The following HACL2 variants were observed in gnomAD, a reference collection of about 807,000 sequenced individuals.
HACL2 encodes the protein 2-hydroxyacyl-CoA lyase 1 like.
chr19:15,124,823 G>A, the HACL2 span: 12 of 1,453,506 alleles, frequency 8.3e-6, no homozygotes, highest in Non-Finnish European at 1.1e-5. Context: ...ACTAGTCGGG[G>A]CTCGCTTTCC....
the HACL2 span, chr19:15,115,522 T>C: frequency 6.2e-7 from 1 of 1,600,542 alleles, no homozygotes; most frequent in South Asian, 1.1e-5. Flanking sequence ...CAGCTGGGAC[T>C]GAAACAGCCT....
the HACL2 span, chr19:15,122,739 C>A: frequency 1.9e-6 from 3 of 1,614,174 alleles, no homozygotes; most frequent in Non-Finnish European, 2.5e-6. The surrounding 1 kb of genome is among the most constrained non-coding windows in gnomAD (Gnocchi z 4.0). Flanking sequence ...TTGGCTGGCA[C>A]CATCTCCTTC....
At chr19:15,123,194 C>G in the HACL2 span, 1 of 1,614,012 alleles carries the variant, frequency 6.2e-7, no homozygotes, top group Non-Finnish European at 8.5e-7. The surrounding 1 kb of genome is among the most constrained non-coding windows in gnomAD (Gnocchi z 5.1). Flanking sequence ...CCGCAGTCAC[C>G]GTGTTGGTGA....
chr19:15,122,577 C>T, the HACL2 span: 2 of 834,296 alleles, frequency 2.4e-6, no homozygotes, highest in East Asian at 2.6e-5. The surrounding 1 kb of genome is among the most constrained non-coding windows in gnomAD (Gnocchi z 4.0). Context: ...GGAATGCTCT[C>T]CCCCCAGCTG....
At chr19:15,119,209 G>T in the HACL2 span, 2 of 1,604,480 alleles carry the variant, frequency 1.2e-6, no homozygotes, top group Non-Finnish European at 1.7e-6. Context: ...CCGCACTGCG[G>T]TTCTCCCGGA....
At chr19:15,115,727 C>T in the HACL2 span, 3 of 1,584,266 alleles carry the variant, frequency 1.9e-6, no homozygotes, top group East Asian at 4.5e-5. Flanking sequence ...CTTGGCCAGC[C>T]AGAGGACAGA....
chr19:15,122,046 C>T, the HACL2 span, among the ~76,000 whole-genome samples: 1,307 of 144,752 alleles, frequency 9.0e-3, 7 homozygotes, highest in Non-Finnish European at 0.012. The surrounding 1 kb of genome is among the most constrained non-coding windows in gnomAD (Gnocchi z 4.0). Flanking sequence ...TACAGGCGCC[C>T]GCCACCACGC....
chr19:15,116,619 C>A, the HACL2 span: 4 of 949,210 alleles, frequency 4.2e-6, no homozygotes, highest in Non-Finnish European at 4.9e-6. Context: ...CAGCAGCATC[C>A]GAGCAGGCAG....
At chr19:15,119,028 G>A in the HACL2 span, 1 of 957,778 alleles carries the variant, frequency 1.0e-6, no homozygotes, top group Non-Finnish European at 1.5e-6. Flanking sequence ...GTCTGGTTGG[G>A]TTCAAAGCGC....
the HACL2 span, chr19:15,116,158 C>T: frequency 5.6e-6 from 9 of 1,613,396 alleles, no homozygotes; most frequent in East Asian, 2.2e-5. Context: ...TTACCAGGAT[C>T]GAGCCAGCGC....
chr19:15,115,152 C>T, the HACL2 span: 1 of 1,382,364 alleles, frequency 7.2e-7, no homozygotes. Flanking sequence ...AGTCACTGGG[C>T]CTCATGGGAT....
chr19:15,121,748 G>A, the HACL2 span, among the ~76,000 whole-genome samples: 1 of 149,988 alleles, frequency 6.7e-6, no homozygotes, highest in Non-Finnish European at 1.5e-5. Context: ...GGAGGCGGAG[G>A]TTGCAGTGAG....
At chr19:15,116,873 G>T in the HACL2 span, 1 of 284,112 alleles carries the variant, frequency 3.5e-6, no homozygotes, top group Non-Finnish European at 6.7e-6. Flanking sequence ...ATCCAGGCAC[G>T]TGGAAGCGCA....
the HACL2 span, chr19:15,115,622 G>A: frequency 6.2e-7 from 1 of 1,613,982 alleles, no homozygotes; most frequent in Non-Finnish European, 8.5e-7. Context: ...CTGCTCCCGA[G>A]AAATCTGTGT....
At chr19:15,115,790 C>A in the HACL2 span, 6 of 1,585,656 alleles carry the variant, frequency 3.8e-6, no homozygotes, top group Non-Finnish European at 5.2e-6. Flanking sequence ...CCTCAGCCCA[C>A]CCCTGGTGAC....
At chr19:15,122,976 T>TA in the HACL2 span, 1 of 1,603,346 alleles carries the variant, frequency 6.2e-7, no homozygotes, top group Non-Finnish European at 8.5e-7. The surrounding 1 kb of genome is among the most constrained non-coding windows in gnomAD (Gnocchi z 4.0). Flanking sequence ...ACACAAAACT[T>TA]ACAGAGTGGC....
the HACL2 span, chr19:15,122,933 G>A: frequency 6.2e-7 from 1 of 1,606,790 alleles, no homozygotes. The surrounding 1 kb of genome is among the most constrained non-coding windows in gnomAD (Gnocchi z 4.0). Flanking sequence ...GGCCCTCAGG[G>A]TGGGCACAAT....
the HACL2 span, chr19:15,116,652 T>G: frequency 2.9e-6 from 2 of 689,744 alleles, no homozygotes; most frequent in East Asian, 5.4e-5. Flanking sequence ...CCAGGGGTGC[T>G]CCTAGAAAAA....
chr19:15,122,007 C>T, the HACL2 span, among the ~76,000 whole-genome samples: 1 of 150,550 alleles, frequency 6.6e-6, no homozygotes, highest in African/African-American at 2.4e-5. This position sits in a 1 kb window ranked among gnomAD's most constrained non-coding sequence, Gnocchi z 4.0. Context: ...ACGCCATTCT[C>T]CTGCCGCAGC....
Sources: gnomAD v4.1 joint callset for allele counts (sites outside exome capture counted in the v4.1 genomes callset) on GRCh38, gnomAD v4.1.1 for gene constraint, Gnocchi (gnomAD v3.1) non-coding constraint, MANE v1.5 for transcripts, NCBI Gene and HGNC (gene_info 2026-07-23, HGNC 2026-07-21) for gene names.